Variants in WWC2 observed in about 807,000 individuals in gnomAD.
The protein encoded by WWC2 is protein WWC2.
Under a neutral mutation model 138.5 loss-of-function variants are expected in WWC2, and 101 were observed. That is an observed-to-expected ratio of 0.73 (90% CI 0.62 to 0.86). The LOEUF (loss-of-function observed/expected upper bound fraction) is 0.86. Among genes scored for constraint, WWC2 ranks in the 40% least tolerant of loss-of-function variants. The probability of loss-of-function intolerance (pLI) is 0.00; values close to 1 mark genes in which losing one functional copy is unlikely to be tolerated. For missense variants in WWC2, 1,420 were observed against 1,419.4 expected, an observed-to-expected ratio of 1.00 and a Z score of -0.01; for synonymous variants, 558 against 538.4, an observed-to-expected ratio of 1.04 and a Z score of -0.50.
Position 183,319,236 on chromosome 4 carries a change from C to T in WWC2, c.*3507C>T, listed in dbSNP as rs192797190. On this transcript the variant is annotated 3_prime_UTR_variant, in exon 23 of 23. Coordinates refer to ENST00000403733, the MANE Select transcript of WWC2 (RefSeq NM_024949.6). ...AAGTAAATGATTTGCCAAATGATTC[C>T]GCTCCATATGAATAATACCTTCAAA... The T allele has an allele frequency of 4.7e-4, 101 of 213,906 alleles. No homozygotes were observed. Among genetic ancestry groups the T allele is most frequent in the South Asian group, 8.0e-4 (7 of 8,714 alleles). 13.3% of individuals were successfully genotyped at this position (213,906 alleles called of 1,614,324 possible). A position where few individuals can be genotyped will look rare whatever the true frequency, so the allele number is the denominator to read the frequency against.
chr4:183,269,096 C>T lies in WWC2; in HGVS notation c.2333C>T (p.Ala778Val), dbSNP rs184781672. 14 of 1,613,934 alleles carry T rather than the reference C, an allele frequency of 8.7e-6. No individual in the cohort carries two copies. The highest frequency in any genetic ancestry group is 1.2e-5 in the Non-Finnish European group (14 of 1,179,872). Reference protein sequence around the residue: ...DVFRVAISQTALQQKTLRVDL... With the variant: ...DVFRVAISQTVLQQKTLRVDL... The stretch of plus-strand genomic sequence containing the variant: ...TTCAGAGTCGCCATTTCCCAAACAG[C>T]CTTACAACAGAAGACACTGAGGGTA... The change falls in exon 15 of 23, where the codon GCC becomes GTC. Residue 778 changes from alanine to valine, a missense_variant. Transcript: ENST00000403733.
intron 9 of WWC2, among the ~76,000 whole-genome samples, chr4:183,256,217 C>A (rs1029760830): frequency 1.3e-5 from 2 of 152,188 alleles, no homozygotes; most frequent in African/African-American, 4.8e-5. Context: ...CTCATACTTA[C>A]ATTGCCATCA....
intron 1 of WWC2, among the ~76,000 whole-genome samples, chr4:183,189,879 A>G (rs1007657779): frequency 3.3e-5 from 5 of 152,184 alleles, no homozygotes; most frequent in Non-Finnish European, 7.3e-5. Flanking sequence ...GTAATTGTGA[A>G]GTGAACAAAT....
Position 183,134,032 on chromosome 4 carries a change from TC to T in WWC2, c.131+34411del, listed in dbSNP as rs1350788325. ...CTTCTTGATTCTGTTTTTTTCAGTT[TC>T]ATTTTTTAAAGGAATTTGTTCATTT... On this transcript the variant is annotated intron_variant, in intron 1 of 22. Transcript: ENST00000403733. 2.6e-5 allele frequency among the ~76,000 whole-genome samples: 4 copies of T among 152,220 alleles called. No individual in the cohort carries two copies. In the East Asian group the frequency reaches 7.7e-4, roughly 29 times the overall value.
At chr4:183,160,053 T>G (rs185661605) in intron 1 of WWC2, among the ~76,000 whole-genome samples, 144 of 152,328 alleles carry the variant, frequency 9.5e-4, no homozygotes, top group Middle Eastern at 3.4e-3. Context: ...AGCAACTTGA[T>G]TGAAATTTCA....
chr4:183,172,186 T>G (rs911273620), intron 1 of WWC2, among the ~76,000 whole-genome samples: 15 of 152,216 alleles, frequency 9.9e-5, no homozygotes, highest in Admixed American at 7.9e-4. Flanking sequence ...CTGTTCTTAA[T>G]TTCAAGTTTG....
At chr4:183,228,036 G>A (rs975491197) in intron 4 of WWC2, among the ~76,000 whole-genome samples, 1 of 151,946 alleles carries the variant, frequency 6.6e-6, no homozygotes, top group East Asian at 1.9e-4. Context: ...TAAAAGACTG[G>A]ATTTGGAAAG....
intron 1 of WWC2, among the ~76,000 whole-genome samples, chr4:183,106,475 T>C (rs1032670901): frequency 6.6e-6 from 1 of 152,164 alleles, no homozygotes; most frequent in African/African-American, 2.4e-5. Context: ...ACCTTAGTAG[T>C]TTTTAGTATA....
chr4:183,177,789 C>CGAGATTGA (rs1178787336), intron 1 of WWC2, among the ~76,000 whole-genome samples: 2 of 152,082 alleles, frequency 1.3e-5, no homozygotes, highest in African/African-American at 4.8e-5. Flanking sequence ...ACAGGTGCAC[C>CGAGATTGA]GAGATTGATT....
chr4:183,309,015 G>A (rs1282309973), intron 21 of WWC2, among the ~76,000 whole-genome samples: 1 of 152,102 alleles, frequency 6.6e-6, no homozygotes, highest in Non-Finnish European at 1.5e-5. Flanking sequence ...TGGAAGAACT[G>A]GACATTTATT....
At chr4:183,202,046 G>A (rs1208382113) in intron 2 of WWC2, among the ~76,000 whole-genome samples, 1 of 152,152 alleles carries the variant, frequency 6.6e-6, no homozygotes, top group Non-Finnish European at 1.5e-5. Context: ...AGAAATCATG[G>A]CCCAGAGCCT....
At chr4:183,166,336 A>T (rs1393235799) in intron 1 of WWC2, among the ~76,000 whole-genome samples, 1 of 152,256 alleles carries the variant, frequency 6.6e-6, no homozygotes, top group South Asian at 2.1e-4. Context: ...TTTTCTTTAT[A>T]TAAATGTCAT....
At chr4:183,280,206 A>C (rs1458505545) in intron 16 of WWC2, among the ~76,000 whole-genome samples, 1 of 130,866 alleles carries the variant, frequency 7.6e-6, no homozygotes, top group Non-Finnish European at 1.6e-5. Context: ...ATATCTGCTT[A>C]CTATTTTAGC....
chr4:183,237,209 A>G lies in WWC2; in HGVS notation c.523-2974A>G, dbSNP rs572947327. ...AGTTAAGTTAATTCCTAGGTATTTT[A>G]TTTTATTTGTAGCTGTTGTAACAAA... On this transcript the variant is annotated intron_variant, in intron 4 of 22. Coordinates refer to ENST00000403733, the MANE Select transcript of WWC2 (RefSeq NM_024949.6). Among the ~76,000 whole-genome samples, 124 of 151,918 alleles carry G rather than the reference A, an allele frequency of 8.2e-4. No homozygotes were observed. The South Asian group carries it at 0.017, about 21-fold the overall frequency.
intron 16 of WWC2, 89 bp from the exon 17 acceptor site, chr4:183,280,687 A>G: frequency 7.2e-7 from 1 of 1,381,484 alleles, no homozygotes; most frequent in Non-Finnish European, 9.8e-7. Flanking sequence ...TCGTCTTTAC[A>G]GATAGAAGTG....
intron 22 of WWC2, among the ~76,000 whole-genome samples, 176 bp from the exon 23 acceptor site, chr4:183,315,487 C>A (rs188197068): frequency 2.1e-5 from 3 of 145,666 alleles, no homozygotes; most frequent in Non-Finnish European, 2.9e-5. Flanking sequence ...TGATACCCCC[C>A]CTTTAAGCAG....
chr4:183,119,016 T>C (rs1166236033), intron 1 of WWC2, among the ~76,000 whole-genome samples: 2 of 152,196 alleles, frequency 1.3e-5, no homozygotes, highest in African/African-American at 2.4e-5. Flanking sequence ...GTTTCATTGC[T>C]TTCTACCGTA....
intron 14 of WWC2, among the ~76,000 whole-genome samples, chr4:183,267,925 A>G (rs1034969920): frequency 1.3e-5 from 2 of 152,104 alleles, no homozygotes; most frequent in African/African-American, 2.4e-5. Context: ...CAACCTCAAA[A>G]GTTATTTTTT....
chr4:183,319,405 C>T lies in WWC2; in HGVS notation c.*3676C>T. On this transcript the variant is annotated 3_prime_UTR_variant, in exon 23 of 23. Transcript: ENST00000403733. ...AGACTAGAAGATAAAAATGGTTTAC[C>T]AGTCTTGGAAAGAAACTATAGTTTA... The T allele has an allele frequency of 4.7e-6, 4 of 845,336 alleles. No homozygotes were observed. Among genetic ancestry groups the T allele is most frequent in the Non-Finnish European group, 1.8e-6 (1 of 545,622 alleles). 52.4% of individuals were successfully genotyped at this position (845,336 alleles called of 1,614,324 possible).
Sources: gnomAD v4.1 joint callset for allele counts (sites outside exome capture counted in the v4.1 genomes callset) on GRCh38, gnomAD v4.1.1 for gene constraint, MANE v1.5 for transcripts, NCBI Gene and HGNC (gene_info 2026-07-23, HGNC 2026-07-21) for gene names.